Variants in APP observed in about 807,000 individuals in gnomAD.
The protein encoded by APP is amyloid beta precursor protein.
In APP, 31 loss-of-function variants were observed where a neutral mutation model predicts 101.4. The observed-to-expected ratio is 0.31, with a 90% CI of 0.23 to 0.41. The LOEUF is 0.41. Ranked by LOEUF, APP falls within the 10% of genes least tolerant of loss-of-function variation. The pLI, the probability that APP is intolerant of heterozygous loss-of-function variation, is 1.00. For missense variants in APP, 839 were observed against 1,003.7 expected, an observed-to-expected ratio of 0.84 and a Z score of 2.22; for synonymous variants, 366 against 364.4, an observed-to-expected ratio of 1.00 and a Z score of -0.05.
At chr21:26,162,481 T>C (rs1335887350) in intron 1 of APP, among the ~76,000 whole-genome samples, 2 of 152,142 alleles carry the variant, frequency 1.3e-5, no homozygotes, top group Non-Finnish European at 2.9e-5. Flanking sequence ...GCCTCACTAA[T>C]TTTACTGTGA....
At chr21:25,970,375 C>A (rs2041985006) in intron 11 of APP, among the ~76,000 whole-genome samples, 1 of 152,144 alleles carries the variant, frequency 6.6e-6, no homozygotes, top group South Asian at 2.1e-4. Context: ...CATCAATGTC[C>A]ATTTAGCAAA....
chr21:26,053,433 C>G (rs2045917606), intron 3 of APP, 85 bp from the exon 4 acceptor site: 3 of 1,024,178 alleles, frequency 2.9e-6, no homozygotes, highest in Non-Finnish European at 4.6e-6. Context: ...AGATAGACTT[C>G]AAGACAAGTT....
At chr21:25,909,132 G>A (rs187321935) in intron 14 of APP, among the ~76,000 whole-genome samples, 23 of 151,980 alleles carry the variant, frequency 1.5e-4, no homozygotes, top group Non-Finnish European at 2.8e-4. Flanking sequence ...GCGTGGTGGC[G>A]GGTACCTATA....
At chr21:26,048,827 A>G (rs1406946744) in intron 5 of APP, among the ~76,000 whole-genome samples, 1 of 152,240 alleles carries the variant, frequency 6.6e-6, no homozygotes, top group Admixed American at 6.5e-5. Flanking sequence ...ACGGGTCATA[A>G]GAAGTGGCAC....
intron 8 of APP, among the ~76,000 whole-genome samples, chr21:25,988,067 C>A (rs1479041030): frequency 1.3e-5 from 2 of 152,070 alleles, no homozygotes; most frequent in African/African-American, 2.4e-5. Context: ...AGTAAGTGAG[C>A]GACCAGGCAG....
rs45560340 is a variant in APP at position 25,897,937 on chromosome 21, T to C, written c.1964-264A>G. Reference sequence around the variant, plus strand: ...AAATACATGCTATAATTTTTGAAAATGGGGGAAAAGCAGAAGTTAAATCCT... The same window carrying C: ...AAATACATGCTATAATTTTTGAAAACGGGGGAAAAGCAGAAGTTAAATCCT... On this transcript the variant is annotated intron_variant, in intron 15 of 17. Transcript: ENST00000346798. 5,011 of 484,068 alleles carry C rather than the reference T, an allele frequency of 0.01. 213 individuals are homozygous for C. Among genetic ancestry groups the C allele is most frequent in the African/African-American group, 0.088 (4,477 of 51,110 alleles). 30.0% of individuals were successfully genotyped at this position (484,068 alleles called of 1,614,324 possible). A position where few individuals can be genotyped will look rare whatever the true frequency, so the allele number is the denominator to read the frequency against.
intron 5 of APP, among the ~76,000 whole-genome samples, chr21:26,030,440 A>C (rs887789340): frequency 6.6e-6 from 1 of 152,224 alleles, no homozygotes; most frequent in East Asian, 1.9e-4. Context: ...TAGATTTTAG[A>C]GACATATACT....
intron 2 of APP, among the ~76,000 whole-genome samples, chr21:26,097,804 G>C (rs1490187225): frequency 6.6e-6 from 1 of 152,134 alleles, no homozygotes; most frequent in African/African-American, 2.4e-5. Flanking sequence ...GCATAGGCCG[G>C]GCGCGGTGGC....
intron 1 of APP, among the ~76,000 whole-genome samples, chr21:26,115,289 A>G (rs2062410742): frequency 6.7e-6 from 1 of 149,226 alleles, no homozygotes; most frequent in Non-Finnish European, 1.5e-5. Context: ...AATAAATATC[A>G]ACTCACAAAA....
intron 1 of APP, among the ~76,000 whole-genome samples, chr21:26,136,196 A>AG (rs776445257): frequency 1.8e-4 from 17 of 93,622 alleles, no homozygotes; most frequent in African/African-American, 1.3e-3. Context: ...AAAGAAAGAA[A>AG]GAAAGAAAAG....
In APP at chr21:26,118,185, C is replaced by T. The variant is rs866553733; in HGVS notation, c.58-6039G>A. On this transcript the variant is annotated intron_variant, in intron 1 of 17. Transcript: ENST00000346798. ...CCCAGTAGGAAATCAAGAGGTCCCT[C>T]AATAGGAGTCTTTGTTATTCACTAC... 5.1e-4 allele frequency among the ~76,000 whole-genome samples: 77 copies of T among 152,276 alleles called. 1 individual carries two copies. The highest frequency in any genetic ancestry group is 1.8e-3 in the African/African-American group (76 of 41,548).
chr21:25,992,123 G>A (rs538138550), intron 8 of APP, among the ~76,000 whole-genome samples: 3 of 152,192 alleles, frequency 2.0e-5, no homozygotes, highest in Non-Finnish European at 4.4e-5. Context: ...TGGCTCACAC[G>A]TGTAATCGAA....
At chr21:25,942,969 C>G (rs1354870121) in intron 13 of APP, 3 of 152,166 alleles carry the variant, frequency 2.0e-5, no homozygotes, top group Non-Finnish European at 4.4e-5. Context: ...CCCTCATCCT[C>G]TCAGCCCCTG....
intron 5 of APP, among the ~76,000 whole-genome samples, chr21:26,048,290 T>A (rs914753874): frequency 2.0e-5 from 3 of 152,014 alleles, no homozygotes; most frequent in African/African-American, 4.8e-5. Context: ...GCCACTGCAC[T>A]CCAGCCTGGG....
At chr21:26,098,296 C>T (rs2061990970) in intron 2 of APP, among the ~76,000 whole-genome samples, 2 of 151,496 alleles carry the variant, frequency 1.3e-5, no homozygotes, top group South Asian at 2.1e-4. Flanking sequence ...ATGTTTTGTT[C>T]CACATTTTAA....
chr21:26,092,380 C>A (rs893958361), intron 2 of APP, among the ~76,000 whole-genome samples: 7 of 152,112 alleles, frequency 4.6e-5, no homozygotes, highest in African/African-American at 1.4e-4. Flanking sequence ...CATGGAGGAA[C>A]TTAACTAATA....
At chr21:26,142,639 C>T (rs1456135657) in intron 1 of APP, among the ~76,000 whole-genome samples, 2 of 152,056 alleles carry the variant, frequency 1.3e-5, no homozygotes, top group Non-Finnish European at 2.9e-5. Flanking sequence ...CCTGGTGGTG[C>T]AAACCTGTAG....
chr21:26,042,894 T>C (rs1277083100), intron 5 of APP, among the ~76,000 whole-genome samples: 4 of 151,366 alleles, frequency 2.6e-5, no homozygotes, highest in Non-Finnish European at 5.9e-5. Context: ...CCAGCATGTG[T>C]GACAGCAAGA....
At chr21:26,118,328 C>T (rs1195713766) in intron 1 of APP, among the ~76,000 whole-genome samples, 1 of 152,138 alleles carries the variant, frequency 6.6e-6, no homozygotes, top group Non-Finnish European at 1.5e-5. Flanking sequence ...AAAATAGAGC[C>T]TTATGCATGG....
Sources: gnomAD v4.1 joint callset for allele counts (sites outside exome capture counted in the v4.1 genomes callset) on GRCh38, gnomAD v4.1.1 for gene constraint, MANE v1.5 for transcripts, NCBI Gene and HGNC (gene_info 2026-07-23, HGNC 2026-07-21) for gene names.